Variants in TPD52L1 observed in about 807,000 individuals in gnomAD.
TPD52L1 encodes TPD52 like 1.
In TPD52L1, 18 loss-of-function variants were observed where a neutral mutation model predicts 28.7. The observed-to-expected ratio is 0.63, with a 90% CI of 0.43 to 0.93. TPD52L1 has a LOEUF of 0.93. Among genes scored for constraint, TPD52L1 ranks in the 40% least tolerant of loss-of-function variants. TPD52L1 has a pLI of 0.00. For missense variants in TPD52L1, 203 were observed against 254.8 expected, an observed-to-expected ratio of 0.80 and a Z score of 1.39; for synonymous variants, 75 against 88.8, an observed-to-expected ratio of 0.84 and a Z score of 0.88.
chr6:125,160,282 C>G (rs1191982917), intron 1 of TPD52L1, among the ~76,000 whole-genome samples: 1 of 152,100 alleles, frequency 6.6e-6, no homozygotes, highest in Non-Finnish European at 1.5e-5. Context: ...ATATTGTAAA[C>G]AGTTACCCAG....
chr6:125,199,852 C>A (rs1309062483), intron 1 of TPD52L1, among the ~76,000 whole-genome samples: 1 of 152,096 alleles, frequency 6.6e-6, no homozygotes, highest in Non-Finnish European at 1.5e-5. Context: ...CATAAAGATG[C>A]TTTGGAGCCA....
At chr6:125,221,270 G>A (rs1212597978) in intron 2 of TPD52L1, among the ~76,000 whole-genome samples, 2 of 152,176 alleles carry the variant, frequency 1.3e-5, no homozygotes, top group African/African-American at 4.8e-5. Context: ...CTTTAGCTGG[G>A]TCTGTCTGTG....
chr6:125,222,769 A>G (rs1582960632), intron 2 of TPD52L1, among the ~76,000 whole-genome samples: 1 of 152,194 alleles, frequency 6.6e-6, no homozygotes, highest in African/African-American at 2.4e-5. Context: ...AAATGCTATA[A>G]AAGACTAAAG....
intron 1 of TPD52L1, among the ~76,000 whole-genome samples, chr6:125,163,479 G>A (rs1052678489): frequency 6.6e-6 from 1 of 151,936 alleles, no homozygotes; most frequent in African/African-American, 2.4e-5. Flanking sequence ...CTACTTGGGA[G>A]GCTGAGGTGG....
At chr6:125,212,277 G>A (rs1794572539) in intron 1 of TPD52L1, among the ~76,000 whole-genome samples, 1 of 152,194 alleles carries the variant, frequency 6.6e-6, no homozygotes, top group Non-Finnish European at 1.5e-5. Context: ...TTTTGAAAGT[G>A]TATGCTTTCC....
In TPD52L1 at chr6:125,189,703, C is replaced by T. The variant is rs926313520; in HGVS notation, c.20-30375C>T. ...GTTGGCAACCTCTCTCTGCTTGGTA[C>T]TTTTCCATGAGCCTCCTTTCACTAT... is the stretch of plus-strand genomic sequence containing the variant. On this transcript the variant is annotated intron_variant, in intron 1 of 6. Coordinates refer to ENST00000534000, the MANE Select transcript of TPD52L1 (RefSeq NM_003287.4). 2.6e-5 allele frequency among the ~76,000 whole-genome samples: 4 copies of T among 152,116 alleles called. 1 individual carries two copies. The highest frequency in any genetic ancestry group is 9.7e-5 in the African/African-American group (4 of 41,416).
chr6:125,229,010 T>G (rs1247079856), intron 2 of TPD52L1, 108 bp from the exon 3 acceptor site: 1 of 1,165,140 alleles, frequency 8.6e-7, no homozygotes, highest in Admixed American at 2.6e-5. Flanking sequence ...CACATGGGAT[T>G]GTATAAATAG....
rs567462298 is a variant in TPD52L1 at position 125,260,971 on chromosome 6, A to G, written c.487-1863A>G. ...AAGAAAGAAAGAAAGAAAGAAAGAA[A>G]GAAAGAAAAGAAAAGAAAGAAAGAA... On this transcript the variant is annotated intron_variant, in intron 6 of 6. Transcript: ENST00000534000. 137 of 44,246 alleles carry G rather than the reference A, an allele frequency of 3.1e-3. 4 individuals carry two copies. The highest frequency in any genetic ancestry group is 0.026 in the African/African-American group (134 of 5,088). The allele number at this position is 44,246 out of a possible 1,614,324, so 2.7% of individuals were successfully genotyped here.
At chr6:125,171,559 A>G (rs1791299081) in intron 1 of TPD52L1, among the ~76,000 whole-genome samples, 1 of 152,174 alleles carries the variant, frequency 6.6e-6, no homozygotes, top group African/African-American at 2.4e-5. Flanking sequence ...AGAAACCCAC[A>G]TGGCCAGGAA....
chr6:125,189,591 T>A (rs1792893960), intron 1 of TPD52L1, among the ~76,000 whole-genome samples: 1 of 152,230 alleles, frequency 6.6e-6, no homozygotes. Context: ...TTAATTTTTT[T>A]AACCTAACTT....
In TPD52L1 at chr6:125,189,573, T is replaced by C. The variant is rs112291626; in HGVS notation, c.20-30505T>C. On this transcript the variant is annotated intron_variant, in intron 1 of 6. Coordinates refer to ENST00000534000, the MANE Select transcript of TPD52L1 (RefSeq NM_003287.4). ...GGAAAACAAAGGCTTTTCTATCCTG[T>C]CATTTACTTAATTTTTTTAACCTAA... Among the ~76,000 whole-genome samples, 1,234 of 152,324 alleles carry C rather than the reference T, an allele frequency of 8.1e-3. 17 individuals are homozygous for C. The highest frequency in any genetic ancestry group is 0.027 in the African/African-American group (1,119 of 41,582).
At chr6:125,206,426 A>G (rs1248600547) in intron 1 of TPD52L1, among the ~76,000 whole-genome samples, 1 of 152,170 alleles carries the variant, frequency 6.6e-6, no homozygotes, top group Non-Finnish European at 1.5e-5. Flanking sequence ...TTTTAGATCA[A>G]ATGAAGGCAC....
At chr6:125,154,315 T>C in intron 1 of TPD52L1, 1 of 1,112,300 alleles carries the variant, frequency 9.0e-7, no homozygotes, top group East Asian at 5.1e-5. Context: ...GAAAGCGTGT[T>C]TCGCTCCCTT....
intron 6 of TPD52L1, among the ~76,000 whole-genome samples, chr6:125,258,384 A>AT (rs1195323698): frequency 6.6e-6 from 1 of 152,058 alleles, no homozygotes; most frequent in African/African-American, 2.4e-5. Context: ...GAGTAGGAAA[A>AT]TTTTTTTAAA....
chr6:125,166,144 T>C (rs1240438528), intron 1 of TPD52L1, among the ~76,000 whole-genome samples: 1 of 152,200 alleles, frequency 6.6e-6, no homozygotes, highest in African/African-American at 2.4e-5. Context: ...GAAGCAGAAC[T>C]GATTCATTCA....
intron 4 of TPD52L1, among the ~76,000 whole-genome samples, chr6:125,250,368 G>A (rs1420088673): frequency 6.6e-6 from 1 of 152,214 alleles, no homozygotes; most frequent in Non-Finnish European, 1.5e-5. Flanking sequence ...TTTGGCTTCA[G>A]AGGGTCAGTT....
chr6:125,211,277 A>G (rs1482068549), intron 1 of TPD52L1, among the ~76,000 whole-genome samples: 2 of 147,894 alleles, frequency 1.4e-5, no homozygotes, highest in Admixed American at 1.3e-4. Context: ...CTATCTATCT[A>G]TCTATCTATC....
At chr6:125,172,512 C>CTATATATATATATA (rs60135828) in intron 1 of TPD52L1, among the ~76,000 whole-genome samples, 1 of 16,396 alleles carries the variant, frequency 6.1e-5, no homozygotes, top group Non-Finnish European at 1.1e-4. Flanking sequence ...CTCTTTCATG[C>CTATATATATATATA]TATATATATA....
intron 3 of TPD52L1, among the ~76,000 whole-genome samples, chr6:125,246,304 C>T (rs1352395713): frequency 6.6e-6 from 1 of 152,174 alleles, no homozygotes; most frequent in Non-Finnish European, 1.5e-5. Context: ...ACTCTAGGAA[C>T]TCAGTTTTTC....
Sources: gnomAD v4.1 joint callset for allele counts (sites outside exome capture counted in the v4.1 genomes callset) on GRCh38, gnomAD v4.1.1 for gene constraint, MANE v1.5 for transcripts, NCBI Gene and HGNC (gene_info 2026-07-23, HGNC 2026-07-21) for gene names.